MYL6: variants seen among roughly 807,000 people sequenced by gnomAD.
MYL6 encodes myosin light chain 6.
In MYL6, 20 loss-of-function variants were observed where a neutral mutation model predicts 20.3. That is an observed-to-expected ratio of 0.98 (90% CI 0.69 to 1.43). The LOEUF (loss-of-function observed/expected upper bound fraction) is 1.43, where lower values mean the gene tolerates loss of function less well. MYL6 is among the 40% of genes most tolerant of loss of function. The pLI, the probability that MYL6 is intolerant of heterozygous loss-of-function variation, is 0.00. For missense variants in MYL6, 164 were observed against 191.0 expected (o/e 0.86, Z 0.83); for synonymous variants, 77 against 72.4 (o/e 1.06, Z -0.32).
chr12:56,160,775 C>G, intron 6 of MYL6, 105 bp downstream of exon 6: 1 of 1,283,002 alleles, frequency 7.8e-7, no homozygotes, highest in Non-Finnish European at 1.1e-6. Flanking sequence ...CATCTGACTT[C>G]CTCCTGGCAT....
intron 6 of MYL6, 109 bp downstream of exon 6, chr12:56,160,779 C>A: frequency 7.9e-7 from 1 of 1,269,550 alleles, no homozygotes; most frequent in Non-Finnish European, 1.1e-6. Flanking sequence ...TGACTTCCTC[C>A]TGGCATGTTT....
chr12:56,159,826 C>G, intron 3 of MYL6, 96 bp downstream of exon 3: 1 of 1,536,534 alleles, frequency 6.5e-7, no homozygotes, highest in Non-Finnish European at 8.7e-7. Context: ...CAAACTCAAG[C>G]AAGTCTGGAT....
At position 56,161,542 on chromosome 12, in the gene MYL6, G is replaced by A. The variant is rs1046709130; in HGVS notation, c.*172G>A. On this transcript the variant is annotated 3_prime_UTR_variant, in exon 7 of 7. Transcript: ENST00000550697. ...TTGTCTCTCTTGGATGATGTTTGCC[G>A]TCAGCATTCACCAAATAAACTTGCT... The A allele has an allele frequency of 1.9e-5, 23 of 1,207,498 alleles. No individual in the cohort carries two copies. Among genetic ancestry groups the A allele is most frequent in the African/African-American group, 1.0e-4 (7 of 66,816 alleles). 74.8% of individuals were successfully genotyped at this position (1,207,498 alleles called of 1,614,324 possible). A position where few individuals can be genotyped will look rare whatever the true frequency, so the allele number is the denominator to read the frequency against.
Position 56,158,901 on chromosome 12 carries a change from G to A in MYL6, c.31+190G>A, listed in dbSNP as rs550110903. On this transcript the variant is annotated intron_variant, in intron 2 of 6. Transcript: ENST00000550697. ...TCTTCCTCCCTCCCCTTCCACTCTA[G>A]ATCTGATCCCAAGCACTGGGTGAGT... 2.8e-6 allele frequency: 4 copies of A among 1,436,868 alleles called. No individual in the cohort carries two copies. The African/African-American group carries it at 4.3e-5, about 16-fold the overall frequency. 89.0% of individuals were successfully genotyped at this position (1,436,868 alleles called of 1,614,324 possible).
At chr12:56,159,465 G>T in intron 2 of MYL6, 122 bp from the exon 3 acceptor site, 1 of 1,314,894 alleles carries the variant, frequency 7.6e-7, no homozygotes, top group Non-Finnish European at 1.1e-6. Flanking sequence ...AGACTTTGGT[G>T]TACAGTTTGG....
chr12:56,160,855 C>T (rs1871767988), intron 6 of MYL6, 185 bp downstream of exon 6: 1 of 645,416 alleles, frequency 1.5e-6, no homozygotes. Context: ...GGGTACAGTA[C>T]CTCCTTACCT....
chr12:56,160,414 C>A, intron 5 of MYL6, 94 bp downstream of exon 5: 3 of 1,556,042 alleles, frequency 1.9e-6, no homozygotes, highest in Non-Finnish European at 1.8e-6. Context: ...GACTTGGGCT[C>A]CAAAAAGAGC....
Position 56,160,615 on chromosome 12 carries a change from C to A in MYL6, c.428-11C>A, listed in dbSNP as rs1871720039. On this transcript the variant is annotated splice_polypyrimidine_tract_variant and intron_variant, in intron 5 of 6. Coordinates refer to ENST00000550697, the MANE Select transcript of MYL6 (RefSeq NM_021019.5). The stretch of plus-strand genomic sequence containing the variant: ...CTTGTCTTCACCATGAATGTCTCTT[C>A]CTTCCTGCAGCGTTTGTGAGGCATA... 2 of 1,614,134 alleles carry A rather than the reference C, an allele frequency of 1.2e-6. No individual in the cohort carries two copies. Among genetic ancestry groups the A allele is most frequent in the East Asian group, 2.2e-5 (1 of 44,908 alleles).
Position 56,160,647 on chromosome 12 carries a change from C to A in MYL6, c.449C>A (p.Ser150Ter). ...GCAGCGTTTGTGAGGCATATCCTGT[C>A]GGGGTGACGGGCCCATGGGGCGGGT... The part of the protein sequence containing the change: ...NYEAFVRHIL[S>*]G The change falls in exon 6 of 7, where the codon TCG (serine) becomes TAG (stop). Residue 150 changes from serine (S) to a stop codon, truncating the protein, a stop_gained. Coordinates refer to ENST00000550697, the MANE Select transcript of MYL6 (RefSeq NM_021019.5). LOFTEE classifies it high-confidence loss of function. The A allele has an allele frequency of 6.2e-7, 1 of 1,614,150 alleles. No individual in the cohort carries two copies. Among genetic ancestry groups the A allele is most frequent in the Middle Eastern group, 1.7e-4 (1 of 6,060 alleles).
At position 56,161,496 on chromosome 12, in the gene MYL6, T is replaced by C; in HGVS notation, c.*126T>C. The C allele has an allele frequency of 6.6e-7, 1 of 1,521,048 alleles. No individual in the cohort carries two copies. The allele number at this position is 1,521,048 out of a possible 1,614,324, so 94.2% of individuals were successfully genotyped here. ...AGCCTAAAGTTTCCCTAGGCTTTCT[T>C]GTCTCAGCAACTTTCCCATCTTGTC... On this transcript the variant is annotated 3_prime_UTR_variant, in exon 7 of 7. Coordinates refer to ENST00000550697, the MANE Select transcript of MYL6 (RefSeq NM_021019.5).
rs747919963 is a variant in MYL6 at position 56,160,620 on chromosome 12, C to T, written c.428-6C>T. The T allele has an allele frequency of 1.9e-6, 3 of 1,614,220 alleles. No homozygotes were observed. Among genetic ancestry groups the T allele is most frequent in the East Asian group, 2.2e-5 (1 of 44,894 alleles). ...CTTCACCATGAATGTCTCTTCCTTC[C>T]TGCAGCGTTTGTGAGGCATATCCTG... On this transcript the variant is annotated splice_polypyrimidine_tract_variant and splice_region_variant and intron_variant, in intron 5 of 6. Transcript: ENST00000550697.
At chr12:56,159,769 G>A (rs1360448479) in intron 3 of MYL6, 39 bp downstream of exon 3, 4 of 1,593,730 alleles carry the variant, frequency 2.5e-6, no homozygotes, top group African/African-American at 1.3e-5. Flanking sequence ...TGTGGTCATG[G>A]GCCCACAGTT....
intron 1 of MYL6, 43 bp downstream of exon 1, chr12:56,158,447 A>G (rs199714713): frequency 4.1e-4 from 635 of 1,548,134 alleles, no homozygotes; most frequent in Admixed American, 8.5e-4. Context: ...TGGGGACGAG[A>G]GGCAGGAAGA....
At chr12:56,161,179 G>C in intron 6 of MYL6, 1 of 633,450 alleles carries the variant, frequency 1.6e-6, no homozygotes, top group Non-Finnish European at 2.9e-6. Flanking sequence ...CTTAGGTTTG[G>C]GTGGGGGACT....
rs1592259845 is a variant in MYL6 at position 56,159,005 on chromosome 12, C to T, written c.31+294C>T. 4.1e-6 allele frequency: 5 copies of T among 1,234,524 alleles called. No individual in the cohort carries two copies. In the East Asian group the frequency reaches 1.2e-4, roughly 30 times the overall value. 76.5% of individuals were successfully genotyped at this position (1,234,524 alleles called of 1,614,324 possible). The stretch of plus-strand genomic sequence containing the variant: ...TGGGGTCTCGGGAGGGTGTATAAAG[C>T]TGCCTGCTTTCCTTTGTCCTTTAAT... On this transcript the variant is annotated intron_variant, in intron 2 of 6. Transcript: ENST00000550697.
At chr12:56,159,510 T>A (rs1871574364) in intron 2 of MYL6, 77 bp from the exon 3 acceptor site, 1 of 1,556,622 alleles carries the variant, frequency 6.4e-7, no homozygotes, top group Non-Finnish European at 8.7e-7. Context: ...TGATCAAAGT[T>A]GAATGGGCAG....
In MYL6 at chr12:56,160,910, G is replaced by C. The variant is rs141977638; in HGVS notation, c.*16+240G>C. 2.0e-3 allele frequency: 1,195 copies of C among 593,424 alleles called. 34 individuals carry two copies. In the East Asian group the frequency reaches 0.029, roughly 14 times the overall value. 36.8% of individuals were successfully genotyped at this position (593,424 alleles called of 1,614,324 possible). On this transcript the variant is annotated intron_variant, in intron 6 of 6. Transcript: ENST00000550697. ...TTTACTTATGCGGCCCTGGGTGCTGGTGTCTGGGAACTCTCACCAGCCTGT... is the reference window on the plus strand; with the variant it reads ...TTTACTTATGCGGCCCTGGGTGCTGCTGTCTGGGAACTCTCACCAGCCTGT...
rs147680006 is a variant in MYL6 at position 56,160,629 on chromosome 12, T to C, written c.431T>C (p.Phe144Ser). ...GAATGTCTCTTCCTTCCTGCAGCGT[T>C]TGTGAGGCATATCCTGTCGGGGTGA... ...DSNGCINYEA[F>S]VRHILSG Residue 144 changes from phenylalanine (F) to serine (S), a missense_variant, in exon 6 of 7, where the codon TTT (phenylalanine) becomes TCT (serine). Physicochemically the swap from Phe to Ser is radical, Grantham distance 155. Coordinates refer to ENST00000550697, the MANE Select transcript of MYL6 (RefSeq NM_021019.5). 94 of 1,614,214 alleles carry C rather than the reference T, an allele frequency of 5.8e-5. No individual in the cohort carries two copies. The highest frequency in any genetic ancestry group is 7.7e-5 in the Non-Finnish European group (91 of 1,180,018).
rs771417919 is a variant in MYL6, at chr12:56,161,426, A to G, written c.*56A>G. ...GTGCTGAATGGCTGAGGACCTTCCCAGTCTCCCCAGAGTCCGTGCCTTTCC... is the reference window on the plus strand; with the variant it reads ...GTGCTGAATGGCTGAGGACCTTCCCGGTCTCCCCAGAGTCCGTGCCTTTCC... On this transcript the variant is annotated 3_prime_UTR_variant, in exon 7 of 7. Coordinates refer to ENST00000550697, the MANE Select transcript of MYL6 (RefSeq NM_021019.5). 4 of 1,613,906 alleles carry G rather than the reference A, an allele frequency of 2.5e-6. No individual in the cohort carries two copies. The highest frequency in any genetic ancestry group is 2.2e-5 in the East Asian group (1 of 44,886).
Sources: gnomAD v4.1 joint callset for allele counts on GRCh38, gnomAD v4.1.1 for gene constraint, MANE v1.5 for transcripts, NCBI Gene and HGNC (gene_info 2026-07-23, HGNC 2026-07-21) for gene names.